The following GRM7 variants were observed in gnomAD, a reference collection of about 807,000 sequenced individuals.
GRM7 encodes the protein metabotropic glutamate receptor 7.
Under a neutral mutation model 84.5 loss-of-function variants are expected in GRM7, and 35 were observed. The observed-to-expected ratio is 0.41, with a 90% confidence interval of 0.32 to 0.55. GRM7 has a LOEUF of 0.55. GRM7 is among the 20% of genes least tolerant of loss of function. The pLI is 0.19. For missense variants in GRM7, 1,003 were observed against 1,194.6 expected, an observed-to-expected ratio of 0.84 and a Z score of 2.36; for synonymous variants, 487 against 455.1, an observed-to-expected ratio of 1.07 and a Z score of -0.89.
At chr3:6,972,923 G>A (rs574688327) in intron 1 of GRM7, among the ~76,000 whole-genome samples, 76 of 152,328 alleles carry the variant, frequency 5.0e-4, no homozygotes, top group African/African-American at 1.6e-3. Flanking sequence ...GCACATTTCT[G>A]TGCCTGACAC....
At chr3:7,172,542 T>TC (rs200416658) in intron 2 of GRM7, among the ~76,000 whole-genome samples, 28 of 109,160 alleles carry the variant, frequency 2.6e-4, no homozygotes, top group South Asian at 3.1e-4. Flanking sequence ...TATGTAGTCT[T>TC]CCCCCCCGCC....
At chr3:7,180,505 T>A (rs1314549255) in intron 2 of GRM7, among the ~76,000 whole-genome samples, 2 of 152,148 alleles carry the variant, frequency 1.3e-5, no homozygotes, top group Non-Finnish European at 2.9e-5. Context: ...CCCCGGCAAC[T>A]GCAGCAGTCA....
rs534183510 is a variant in GRM7 at position 7,596,475 on chromosome 3, C to A, written c.2451+17118C>A. 3.3e-5 allele frequency among the ~76,000 whole-genome samples: 5 copies of A among 151,990 alleles called. No individual in the cohort carries two copies. The South Asian group carries it at 1.0e-3, about 32-fold the overall frequency. On this transcript the variant is annotated intron_variant, in intron 8 of 9. Coordinates refer to ENST00000357716, the MANE Select transcript of GRM7 (RefSeq NM_000844.4). ...TGTAGATCGAAAAGTAAGAATGATG[C>A]CCAAGATACTCCAATATTTGAACTA... is the stretch of plus-strand genomic sequence containing the variant.
rs114849268 is a variant in GRM7, at chr3:7,358,398, C to G, written c.1033+51746C>G. Among the ~76,000 whole-genome samples the G allele has an allele frequency of 1.0e-3, 128 of 125,134 alleles. 17 individuals are homozygous for G. The highest frequency in any genetic ancestry group is 4.2e-3 in the African/African-American group (123 of 29,022). 82.1% of individuals were successfully genotyped at this position (125,134 alleles called of 152,430 possible). On this transcript the variant is annotated intron_variant, in intron 4 of 9. Coordinates refer to ENST00000357716, the MANE Select transcript of GRM7 (RefSeq NM_000844.4). ...AGTCATTTGACAAATAACAAACATT[C>G]ATAAAAGTTGACAAAATTAAACGGT... is the stretch of plus-strand genomic sequence containing the variant.
At chr3:7,466,344 G>C (rs188039926) in intron 7 of GRM7, among the ~76,000 whole-genome samples, 1 of 152,110 alleles carries the variant, frequency 6.6e-6, no homozygotes, top group Non-Finnish European at 1.5e-5. Flanking sequence ...AGTTATATTC[G>C]AACTGGATCT....
At chr3:7,359,436 G>A (rs137871120) in intron 4 of GRM7, among the ~76,000 whole-genome samples, 2,715 of 143,036 alleles carry the variant, frequency 0.019, 370 homozygotes, top group African/African-American at 0.07. Flanking sequence ...CTGGGTTCAA[G>A]CGATTCTCCT....
intron 1 of GRM7, among the ~76,000 whole-genome samples, chr3:7,125,415 A>G (rs145551107): frequency 3.9e-5 from 6 of 152,222 alleles, no homozygotes; most frequent in African/African-American, 1.2e-4. Context: ...CTCCCCTCAT[A>G]TGTCTTTCAT....
chr3:6,872,813 A>G (rs1409576580), intron 1 of GRM7, among the ~76,000 whole-genome samples: 1 of 152,202 alleles, frequency 6.6e-6, no homozygotes, highest in Non-Finnish European at 1.5e-5. Flanking sequence ...TTATGGCTGC[A>G]TAGTATTCCA....
At position 6,935,909 on chromosome 3, in the gene GRM7, A is replaced by G. The variant is rs558760601; in HGVS notation, c.519+74002A>G. Among the ~76,000 whole-genome samples, 557 of 152,018 alleles carry G rather than the reference A, an allele frequency of 3.7e-3. 9 individuals carry two copies. The highest frequency in any genetic ancestry group is 0.013 in the African/African-American group (533 of 41,488). ...CAGGGTTTCACCATGTTGGCCAGCC[A>G]TGTTGACCAGGCTGGTCTCGAATTC... On this transcript the variant is annotated intron_variant, in intron 1 of 9. Transcript: ENST00000357716.
At chr3:7,093,624 A>G (rs1408727260) in intron 1 of GRM7, among the ~76,000 whole-genome samples, 1 of 142,450 alleles carries the variant, frequency 7.0e-6, no homozygotes, top group Non-Finnish European at 1.5e-5. Context: ...TTGCAGTAAC[A>G]CTAGATCACA....
At chr3:7,114,966 G>A (rs558569784) in intron 1 of GRM7, among the ~76,000 whole-genome samples, 87 of 152,234 alleles carry the variant, frequency 5.7e-4, no homozygotes, top group African/African-American at 1.5e-3. Flanking sequence ...CTCATGAGAA[G>A]GAGCTCGGAT....
intron 1 of GRM7, among the ~76,000 whole-genome samples, chr3:7,043,369 T>A (rs1409221786): frequency 6.6e-6 from 1 of 152,154 alleles, no homozygotes; most frequent in Non-Finnish European, 1.5e-5. Context: ...ATGCATGTAG[T>A]CTTCTGGGCT....
intron 7 of GRM7, among the ~76,000 whole-genome samples, chr3:7,468,171 T>C (rs997024674): frequency 6.6e-6 from 1 of 152,218 alleles, no homozygotes; most frequent in Non-Finnish European, 1.5e-5. Flanking sequence ...TAATTTACAA[T>C]GTATTACATG....
At chr3:7,241,742 C>G (rs1234689315) in intron 2 of GRM7, among the ~76,000 whole-genome samples, 1 of 152,086 alleles carries the variant, frequency 6.6e-6, no homozygotes, top group Admixed American at 6.6e-5. Flanking sequence ...GTGCATACTT[C>G]AGGTTTGCCA....
intron 2 of GRM7, among the ~76,000 whole-genome samples, chr3:7,206,287 G>C (rs1182307564): frequency 1.3e-5 from 2 of 152,208 alleles, no homozygotes; most frequent in Admixed American, 6.5e-5. Context: ...TAAATGTTCA[G>C]TGGGAGAAGG....
intron 2 of GRM7, among the ~76,000 whole-genome samples, chr3:7,183,352 C>A (rs142332956): frequency 3.9e-5 from 6 of 152,080 alleles, no homozygotes; most frequent in Non-Finnish European, 8.8e-5. Context: ...TGAAGCTGGG[C>A]GTGGTGGCTC....
intron 2 of GRM7, among the ~76,000 whole-genome samples, chr3:7,156,964 A>T (rs943658424): frequency 1.3e-5 from 2 of 152,180 alleles, no homozygotes; most frequent in Non-Finnish European, 2.9e-5. Flanking sequence ...CAGAAAAAAA[A>T]AAAATCAGAA....
intron 1 of GRM7, among the ~76,000 whole-genome samples, chr3:7,048,807 AG>A (rs1696889393): frequency 1.3e-5 from 2 of 151,954 alleles, no homozygotes; most frequent in African/African-American, 4.8e-5. Flanking sequence ...GCTGTACAAT[AG>A]ATCTCTTGAA....
intron 4 of GRM7, among the ~76,000 whole-genome samples, chr3:7,371,169 A>G (rs1269395115): frequency 6.6e-6 from 1 of 152,182 alleles, no homozygotes; most frequent in Non-Finnish European, 1.5e-5. Flanking sequence ...TTTTAAAAAA[A>G]CATAGATTGC....
Sources: gnomAD v4.1 joint callset for allele counts (sites outside exome capture counted in the v4.1 genomes callset) on GRCh38, gnomAD v4.1.1 for gene constraint, MANE v1.5 for transcripts, NCBI Gene and HGNC (gene_info 2026-07-23, HGNC 2026-07-21) for gene names.